CAMTA1: variants seen among roughly 807,000 people sequenced by gnomAD.
The protein encoded by CAMTA1 is calmodulin-binding transcription activator 1.
Under a neutral mutation model 170.9 loss-of-function variants are expected in CAMTA1, and 27 were observed. The ratio of observed to expected loss-of-function variants is 0.16; its 90% CI spans 0.12 to 0.22. The LOEUF (loss-of-function observed/expected upper bound fraction) is 0.22. CAMTA1 is among the 10% of genes least tolerant of loss of function. CAMTA1 has a pLI of 1.00. For missense variants in CAMTA1, 1,619 were observed against 2,217.2 expected (o/e 0.73, Z 5.42); for synonymous variants, 833 against 891.5 (o/e 0.93, Z 1.17).
intron 6 of CAMTA1, among the ~76,000 whole-genome samples, chr1:7,614,667 G>A (rs1043830770): frequency 3.9e-5 from 6 of 152,020 alleles, no homozygotes; most frequent in Non-Finnish European, 5.9e-5. Context: ...AACAAATTTC[G>A]AGAACCTATA....
Position 7,467,817 on chromosome 1 carries a change from C to T in CAMTA1, c.439-13C>T, listed in dbSNP as rs1186843849. ...TCTTTCCAACTGAATTCTCGTTTTT[C>T]CTCTCTCCCTAGTGCTTGTACGGCT... is the stretch of plus-strand genomic sequence containing the variant. On this transcript the variant is annotated splice_polypyrimidine_tract_variant and intron_variant, in intron 5 of 22. Transcript: ENST00000303635. The T allele has an allele frequency of 6.2e-7, 1 of 1,609,016 alleles. No individual in the cohort carries two copies. The highest frequency in any genetic ancestry group is 2.2e-5 in the East Asian group (1 of 44,868).
chr1:7,574,325 G>C (rs2095163848), intron 6 of CAMTA1, among the ~76,000 whole-genome samples: 1 of 152,202 alleles, frequency 6.6e-6, no homozygotes. Context: ...AAATGGGGCG[G>C]TGCCTGAACC....
At chr1:6,854,411 C>T (rs552685974) in intron 3 of CAMTA1, among the ~76,000 whole-genome samples, 4 of 152,180 alleles carry the variant, frequency 2.6e-5, no homozygotes, top group East Asian at 1.9e-4. Flanking sequence ...TGTGTAAGTA[C>T]GTTTGTGTAA....
intron 5 of CAMTA1, among the ~76,000 whole-genome samples, chr1:7,391,549 G>A (rs538562349): frequency 6.6e-6 from 1 of 152,246 alleles, no homozygotes; most frequent in African/African-American, 2.4e-5. Context: ...GCCATTCTGA[G>A]AGCTTTGGCA....
chr1:7,430,834 CT>C (rs1411380897), intron 5 of CAMTA1, among the ~76,000 whole-genome samples: 1 of 152,208 alleles, frequency 6.6e-6, no homozygotes, highest in Non-Finnish European at 1.5e-5. Context: ...GGCTCGCCAT[CT>C]GTTTCCTATT....
rs544852089 is a variant in CAMTA1, at chr1:7,518,112, G to A, written c.510+50211G>A. Among the ~76,000 whole-genome samples, 86 of 152,154 alleles carry A rather than the reference G, an allele frequency of 5.7e-4. 1 individual carries two copies. Among genetic ancestry groups the A allele is most frequent in the African/African-American group, 1.6e-3 (67 of 41,396 alleles). ...CTGGATGTGAGAAGTGGATGGGACC[G>A]TGATCCCAGAGTCAGGTTATATTTA... On this transcript the variant is annotated intron_variant, in intron 6 of 22. Coordinates refer to ENST00000303635, the MANE Select transcript of CAMTA1 (RefSeq NM_015215.4).
chr1:7,675,826 T>C (rs1319427193), intron 10 of CAMTA1, among the ~76,000 whole-genome samples: 1 of 151,784 alleles, frequency 6.6e-6, no homozygotes, highest in East Asian at 1.9e-4. Context: ...TCCTGGGTGA[T>C]GGAACTGCAG....
Position 7,010,817 on chromosome 1 carries a change from C to T in CAMTA1, c.235-80487C>T, listed in dbSNP as rs1275402779. On this transcript the variant is annotated intron_variant, in intron 3 of 22. Transcript: ENST00000303635. The surrounding 1 kb of genome is among the most constrained non-coding windows in gnomAD (Gnocchi z 4.4). Reference sequence around the variant, plus strand: ...ACTCAGCTTCCCCATCACCTTCCTTCCATTTCAGCAGAACCCTCTGGAGTG... The same window carrying T: ...ACTCAGCTTCCCCATCACCTTCCTTTCATTTCAGCAGAACCCTCTGGAGTG... 6.6e-6 allele frequency among the ~76,000 whole-genome samples: 1 copy of T among 152,206 alleles called. No individual in the cohort carries two copies. The highest frequency in any genetic ancestry group is 1.5e-5 in the Non-Finnish European group (1 of 68,034).
At chr1:7,518,554 T>G (rs2094318560) in intron 6 of CAMTA1, among the ~76,000 whole-genome samples, 1 of 151,838 alleles carries the variant, frequency 6.6e-6, no homozygotes, top group African/African-American at 2.4e-5. Flanking sequence ...GAACAGAGCG[T>G]GTTGTCGGGC....
chr1:6,966,835 C>T (rs1326567129), intron 3 of CAMTA1, among the ~76,000 whole-genome samples: 2 of 151,826 alleles, frequency 1.3e-5, no homozygotes, highest in Non-Finnish European at 2.9e-5. Flanking sequence ...TGGTCTCGAA[C>T]TCCTAAGCTC....
At position 6,852,803 on chromosome 1, in the gene CAMTA1, G is replaced by A. The variant is rs530655951; in HGVS notation, c.234+27593G>A. 3.9e-5 allele frequency among the ~76,000 whole-genome samples: 6 copies of A among 152,302 alleles called. No homozygotes were observed. The East Asian group carries it at 9.6e-4, about 24-fold the overall frequency. On this transcript the variant is annotated intron_variant, in intron 3 of 22. Coordinates refer to ENST00000303635, the MANE Select transcript of CAMTA1 (RefSeq NM_015215.4). ...ATCAAATCATTGGCCATTGGCCGTT[G>A]GTTATTGAACTCAGTCTCTAACCTC...
At chr1:7,100,762 G>A (rs72640085) in intron 4 of CAMTA1, among the ~76,000 whole-genome samples, 10,853 of 152,238 alleles carry the variant, frequency 0.071, 498 homozygotes, top group Admixed American at 0.15. Flanking sequence ...GCGTGGTGTG[G>A]CCTCTCCCTG....
intron 3 of CAMTA1, among the ~76,000 whole-genome samples, chr1:7,016,823 G>C (rs754437424): frequency 2.0e-5 from 3 of 151,354 alleles, no homozygotes; most frequent in Non-Finnish European, 4.4e-5. Context: ...GTGACAGAGC[G>C]AGCCTGTCTC....
intron 3 of CAMTA1, among the ~76,000 whole-genome samples, chr1:6,870,389 G>A (rs1029740765): frequency 2.2e-4 from 33 of 152,198 alleles, no homozygotes; most frequent in African/African-American, 7.0e-4. Context: ...TGGCTTTAGG[G>A]CACTAACACT....
At chr1:6,877,095 G>C (rs925546015) in intron 3 of CAMTA1, among the ~76,000 whole-genome samples, 75 of 152,314 alleles carry the variant, frequency 4.9e-4, no homozygotes, top group African/African-American at 1.8e-3. Flanking sequence ...GTGAGAGTTG[G>C]GATGGCGGAG....
chr1:7,700,798 G>T (rs1351115498), intron 11 of CAMTA1: 1 of 152,248 alleles, frequency 6.6e-6, no homozygotes, highest in Non-Finnish European at 1.5e-5. Flanking sequence ...CCAGTGCAAA[G>T]CACCCCCAGG....
chr1:7,738,489 A>G lies in CAMTA1; in HGVS notation c.4182+7A>G, dbSNP rs1577314725. On this transcript the variant is annotated splice_region_variant and intron_variant, in intron 16 of 22. Coordinates refer to ENST00000303635, the MANE Select transcript of CAMTA1 (RefSeq NM_015215.4). The surrounding 1 kb of genome is among the most constrained non-coding windows in gnomAD (Gnocchi z 4.9). ...GCCCATGGATGACATACAGGTAAAA[A>G]GCAGGGACAGGGTAAGCCCGCAGAG... 6.2e-7 allele frequency: 1 copy of G among 1,611,348 alleles called. No homozygotes were observed. The highest frequency in any genetic ancestry group is 2.2e-5 in the East Asian group (1 of 44,818).
At chr1:6,829,193 G>A (rs1426469573) in intron 3 of CAMTA1, among the ~76,000 whole-genome samples, 2 of 152,112 alleles carry the variant, frequency 1.3e-5, no homozygotes, top group Non-Finnish European at 2.9e-5. Flanking sequence ...GTGAGCCACC[G>A]TTCCTGGCCT....
chr1:7,013,874 G>A lies in CAMTA1; in HGVS notation c.235-77430G>A, dbSNP rs942181418. On this transcript the variant is annotated intron_variant, in intron 3 of 22. Transcript: ENST00000303635. ...CTATCCCATAATGCTCGGCTTCCTTGTGACTCCTCTTCTTCAACCCCAACG... is the reference window on the plus strand; with the variant it reads ...CTATCCCATAATGCTCGGCTTCCTTATGACTCCTCTTCTTCAACCCCAACG... Among the ~76,000 whole-genome samples, 27 of 152,308 alleles carry A rather than the reference G, an allele frequency of 1.8e-4. No homozygotes were observed. In the South Asian group the frequency reaches 2.1e-3, roughly 12 times the overall value.
Sources: gnomAD v4.1 joint callset for allele counts (sites outside exome capture counted in the v4.1 genomes callset) on GRCh38, gnomAD v4.1.1 for gene constraint, Gnocchi (gnomAD v3.1) non-coding constraint, MANE v1.5 for transcripts, NCBI Gene and HGNC (gene_info 2026-07-23, HGNC 2026-07-21) for gene names.